The following VPS8 variants were observed in gnomAD, a reference collection of about 807,000 sequenced individuals.
VPS8 encodes the protein VPS8 subunit of CORVET complex, also known as vacuolar protein sorting-associated protein 8 homolog.
In VPS8, 129 loss-of-function variants were observed where a neutral mutation model predicts 216.4. That is an observed-to-expected ratio of 0.60 (90% CI 0.52 to 0.69). The LOEUF is 0.69. Among genes scored for constraint, VPS8 ranks in the 30% least tolerant of loss-of-function variants. The pLI, the probability that VPS8 is intolerant of heterozygous loss-of-function variation, is 0.00. For missense variants in VPS8, 1,531 were observed against 1,683.5 expected (o/e 0.91, Z 1.59); for synonymous variants, 571 against 565.4 (o/e 1.01, Z -0.14).
At chr3:184,870,471 G>A (rs1728132480) in intron 20 of VPS8, among the ~76,000 whole-genome samples, 3 of 152,170 alleles carry the variant, frequency 2.0e-5, no homozygotes, top group African/African-American at 7.2e-5. Context: ...TTCCTGAGCA[G>A]TATAGATGCC....
intron 23 of VPS8, among the ~76,000 whole-genome samples, chr3:184,896,563 A>G (rs926054057): frequency 6.6e-6 from 1 of 152,122 alleles, no homozygotes; most frequent in Admixed American, 6.6e-5. Flanking sequence ...TACTTTTACT[A>G]GAGTCAACAA....
At chr3:184,944,411 C>A in intron 36 of VPS8, 1 of 656,986 alleles carries the variant, frequency 1.5e-6, no homozygotes, top group Non-Finnish European at 1.9e-6. Context: ...TACGTAAAGC[C>A]CGACTCTACC....
At chr3:184,882,512 T>C (rs894368796) in intron 21 of VPS8, 1 of 351,150 alleles carries the variant, frequency 2.8e-6, no homozygotes, top group Non-Finnish European at 5.7e-6. Flanking sequence ...TGAAGAACAT[T>C]GGTCTGTAGT....
intron 35 of VPS8, 79 bp downstream of exon 35, chr3:184,936,414 T>C (rs1363954721): frequency 7.8e-7 from 1 of 1,283,850 alleles, no homozygotes; most frequent in Non-Finnish European, 1.1e-6. Flanking sequence ...GAAGTTTTGA[T>C]TGTAGTGATT....
intron 45 of VPS8, among the ~76,000 whole-genome samples, chr3:185,018,674 C>G (rs944123290): frequency 3.4e-4 from 52 of 152,302 alleles, no homozygotes; most frequent in Non-Finnish European, 1.5e-4. Context: ...AGAGGAGAAC[C>G]TGGTCCATAT....
At chr3:184,854,263 T>C in intron 13 of VPS8, 90 bp downstream of exon 13, 3 of 1,418,002 alleles carry the variant, frequency 2.1e-6, no homozygotes, top group Non-Finnish European at 3.0e-6. Context: ...TTCTATGAGA[T>C]TGTCAGAAAA....
chr3:184,956,429 A>G (rs542858608), intron 36 of VPS8, among the ~76,000 whole-genome samples: 1 of 152,364 alleles, frequency 6.6e-6, no homozygotes, highest in East Asian at 1.9e-4. Context: ...CTACTTCTTT[A>G]GACCATGTGC....
rs74395107 is a variant in VPS8, at chr3:184,980,414, T to C, written c.3421-2152T>C. ...AATATGTTTTCCAGGTTGCTTGTCC[T>C]CTCTCCCTCTCTTTCAGGAATGCCA... On this transcript the variant is annotated intron_variant, in intron 40 of 47. Coordinates refer to ENST00000625842, the MANE Select transcript of VPS8 (RefSeq NM_001009921.3). Among the ~76,000 whole-genome samples, 4 of 152,286 alleles carry C rather than the reference T, an allele frequency of 2.6e-5. No homozygotes were observed. The East Asian group carries it at 7.7e-4, about 29-fold the overall frequency.
At chr3:184,861,316 C>T (rs1726335645) in intron 15 of VPS8, among the ~76,000 whole-genome samples, 1 of 152,156 alleles carries the variant, frequency 6.6e-6, no homozygotes, top group Non-Finnish European at 1.5e-5. Context: ...AAATATAAGG[C>T]AATGCCTCAT....
chr3:185,033,786 G>A (rs1758506669), intron 46 of VPS8, among the ~76,000 whole-genome samples: 1 of 152,240 alleles, frequency 6.6e-6, no homozygotes, highest in Non-Finnish European at 1.5e-5. Context: ...AGCATTTGGT[G>A]TTGTGGTGGT....
intron 28 of VPS8, among the ~76,000 whole-genome samples, chr3:184,917,290 C>A (rs906931460): frequency 6.6e-6 from 1 of 152,110 alleles, no homozygotes; most frequent in Non-Finnish European, 1.5e-5. Context: ...GAAAAAAATT[C>A]AATATAGCTG....
chr3:184,902,111 G>GCC (rs541230872), intron 25 of VPS8, among the ~76,000 whole-genome samples: 84 of 139,914 alleles, frequency 6.0e-4, no homozygotes, highest in African/African-American at 2.2e-3. Flanking sequence ...TAAATATTTA[G>GCC]CCCCCCCCCC....
At chr3:184,825,871 A>C (rs1473631023) in intron 2 of VPS8, among the ~76,000 whole-genome samples, 4 of 151,984 alleles carry the variant, frequency 2.6e-5, no homozygotes, top group African/African-American at 9.7e-5. Flanking sequence ...ATTGCACTCC[A>C]GCCTGGGCAT....
chr3:184,943,469 A>G (rs1174271636), intron 36 of VPS8, among the ~76,000 whole-genome samples: 1 of 152,188 alleles, frequency 6.6e-6, no homozygotes, highest in South Asian at 2.1e-4. Flanking sequence ...GGTACTGGGA[A>G]AACTGAGGGA....
chr3:184,994,015 A>C lies in VPS8; in HGVS notation c.3618A>C (p.Glu1206Asp). Residue 1206 changes from glutamate (E) to aspartate (D), a missense_variant, in exon 43 of 48, where the codon GAA (glutamate) becomes GAC (aspartate). Physicochemically the swap from Glu to Asp is conservative, Grantham distance 45. This residue lies in a region of VPS8 where 1,318 missense variants were observed against 1,468.4 expected (regional missense o/e 0.90). Coordinates refer to ENST00000625842, the MANE Select transcript of VPS8 (RefSeq NM_001009921.3). ...TTTATGGAAAAGGAAAACTTGGAGA[A>C]ATCCAGGGACTTATCTTGGGAATGT... Reference protein sequence around the residue: ...DPVYGKGKLGEIQGLILGMLD... With the variant: ...DPVYGKGKLGDIQGLILGMLD... The C allele has an allele frequency of 6.4e-7, 1 of 1,568,020 alleles. No individual in the cohort carries two copies. Among genetic ancestry groups the C allele is most frequent in the East Asian group, 2.3e-5 (1 of 43,386 alleles).
intron 45 of VPS8, among the ~76,000 whole-genome samples, chr3:185,020,466 A>G (rs1756486184): frequency 6.8e-6 from 1 of 146,950 alleles, no homozygotes; most frequent in Non-Finnish European, 1.5e-5. Context: ...AGTAAAATTA[A>G]GGCTTTTTTT....
intron 21 of VPS8, among the ~76,000 whole-genome samples, chr3:184,884,319 G>A (rs377293404): frequency 1.3e-5 from 2 of 151,966 alleles, no homozygotes; most frequent in African/African-American, 4.8e-5. Context: ...GAGAACATGC[G>A]GTGTTTGGTT....
intron 25 of VPS8, among the ~76,000 whole-genome samples, chr3:184,905,841 G>GT (rs981665888): frequency 4.6e-5 from 7 of 150,908 alleles, no homozygotes; most frequent in South Asian, 4.2e-4. Flanking sequence ...AAATGAAGAG[G>GT]TTTTTTTTTA....
At chr3:184,932,982 T>G (rs1740952279) in intron 34 of VPS8, among the ~76,000 whole-genome samples, 2 of 152,168 alleles carry the variant, frequency 1.3e-5, no homozygotes, top group Admixed American at 6.5e-5. Flanking sequence ...CTCAGTTTCA[T>G]CCCCAAACCA....
Sources: allele counts gnomAD v4.1 joint callset (sites outside exome capture counted in the v4.1 genomes callset), GRCh38; gene constraint gnomAD v4.1.1; regional missense constraint gnomAD v4.1.1; transcripts MANE v1.5; gene names NCBI Gene and HGNC (gene_info 2026-07-23, HGNC 2026-07-21).